Variants in ADAMTSL1 observed in about 807,000 individuals in gnomAD.
The protein encoded by ADAMTSL1 is ADAMTS like 1, also known as ADAMTS-like protein 1.
ADAMTSL1 carries 126 observed loss-of-function variants against 201.8 expected under a neutral mutation model. The ratio of observed to expected loss-of-function variants is 0.62; its 90% CI spans 0.54 to 0.72. ADAMTSL1 has a LOEUF of 0.72. Among genes scored for constraint, ADAMTSL1 ranks in the 30% least tolerant of loss-of-function variants. The pLI is 0.00. For synonymous variants in ADAMTSL1, 1,121 were observed against 903.4 expected (o/e 1.24, Z -4.32); for missense variants, 2,679 against 2,277.8 (o/e 1.18, Z -3.59).
chr9:18,632,997 T>C (rs1433440893), intron 5 of ADAMTSL1, among the ~76,000 whole-genome samples: 1 of 152,210 alleles, frequency 6.6e-6, no homozygotes, highest in Non-Finnish European at 1.5e-5. Flanking sequence ...CTGTCTTCTT[T>C]AGGGAACATA....
intron 2 of ADAMTSL1, among the ~76,000 whole-genome samples, chr9:18,211,684 T>G (rs1349126812): frequency 6.6e-6 from 1 of 152,192 alleles, no homozygotes; most frequent in African/African-American, 2.4e-5. Flanking sequence ...CCTTCTTTTA[T>G]TTTAGAAGAG....
chr9:18,616,128 C>G (rs1825686811), intron 4 of ADAMTSL1, among the ~76,000 whole-genome samples: 1 of 152,128 alleles, frequency 6.6e-6, no homozygotes, highest in African/African-American at 2.4e-5. Flanking sequence ...CAGGCTCAAA[C>G]AATTCTCATT....
intron 2 of ADAMTSL1, among the ~76,000 whole-genome samples, chr9:18,207,095 G>A (rs1829681448): frequency 6.6e-6 from 1 of 152,082 alleles, no homozygotes; most frequent in Admixed American, 6.6e-5. Context: ...AACCTGGGAG[G>A]CAGAGATTGC....
chr9:18,639,453 A>G (rs1377693913), intron 7 of ADAMTSL1, 42 bp downstream of exon 7: 2 of 1,590,102 alleles, frequency 1.3e-6, no homozygotes, highest in East Asian at 2.2e-5. Flanking sequence ...CCACATCCCA[A>G]ATGATGTTAC....
intron 2 of ADAMTSL1, among the ~76,000 whole-genome samples, chr9:18,450,547 A>C (rs1394740287): frequency 6.6e-6 from 1 of 151,866 alleles, no homozygotes; most frequent in Non-Finnish European, 1.5e-5. Flanking sequence ...TTTTAATTCT[A>C]GGAACCCAGA....
chr9:18,375,679 G>A (rs1166385143), intron 2 of ADAMTSL1, among the ~76,000 whole-genome samples: 1 of 152,204 alleles, frequency 6.6e-6, no homozygotes, highest in Non-Finnish European at 1.5e-5. Flanking sequence ...TGGACCCAAA[G>A]AGTGAGCAGC....
intron 23 of ADAMTSL1, among the ~76,000 whole-genome samples, chr9:18,875,094 G>A (rs970488932): frequency 1.3e-5 from 2 of 152,026 alleles, no homozygotes; most frequent in Admixed American, 1.3e-4. Flanking sequence ...TTGTATTTCT[G>A]TGGTATCATT....
chr9:18,651,833 T>C (rs1828283467), intron 7 of ADAMTSL1, among the ~76,000 whole-genome samples: 1 of 152,088 alleles, frequency 6.6e-6, no homozygotes, highest in South Asian at 2.1e-4. Flanking sequence ...TTGCTTTTAT[T>C]ATAAGAGGTA....
chr9:18,596,795 C>T (rs1245516691), intron 4 of ADAMTSL1, among the ~76,000 whole-genome samples: 1 of 152,106 alleles, frequency 6.6e-6, no homozygotes. Context: ...ACTATGAGTA[C>T]AGGATGCAAT....
chr9:18,066,856 A>C, intron 1 of ADAMTSL1, among the ~76,000 whole-genome samples: 1 of 152,220 alleles, frequency 6.6e-6, no homozygotes, highest in Non-Finnish European at 1.5e-5. Flanking sequence ...ATGAAAGTGG[A>C]AATCATCATT....
intron 2 of ADAMTSL1, among the ~76,000 whole-genome samples, chr9:18,446,508 C>A (rs1820197726): frequency 6.6e-6 from 1 of 152,168 alleles, no homozygotes; most frequent in Non-Finnish European, 1.5e-5. Context: ...AAATGTCAAC[C>A]AGCAAGGATG....
chr9:17,957,944 C>T (rs1203417970), intron 1 of ADAMTSL1, among the ~76,000 whole-genome samples: 1 of 152,176 alleles, frequency 6.6e-6, no homozygotes, highest in Non-Finnish European at 1.5e-5. Flanking sequence ...ATCTAGCCTC[C>T]ATGACTGGGA....
At chr9:18,265,645 T>G (rs1832092547) in intron 2 of ADAMTSL1, among the ~76,000 whole-genome samples, 1 of 152,244 alleles carries the variant, frequency 6.6e-6, no homozygotes, top group Non-Finnish European at 1.5e-5. Flanking sequence ...GATTTCTTTT[T>G]GCTATTTATT....
At chr9:18,784,682 A>T (rs1247556595) in intron 19 of ADAMTSL1, among the ~76,000 whole-genome samples, 1 of 152,168 alleles carries the variant, frequency 6.6e-6, no homozygotes, top group African/African-American at 2.4e-5. Flanking sequence ...GTCTCCCACC[A>T]CATCCAGGCC....
At chr9:18,200,456 T>TA (rs1829394195) in intron 2 of ADAMTSL1, among the ~76,000 whole-genome samples, 1 of 152,142 alleles carries the variant, frequency 6.6e-6, no homozygotes, top group Admixed American at 6.6e-5. Flanking sequence ...ACATGGTGTT[T>TA]AAAAACTTCA....
intron 2 of ADAMTSL1, among the ~76,000 whole-genome samples, chr9:18,185,080 C>G (rs1220491501): frequency 6.6e-6 from 1 of 152,104 alleles, no homozygotes; most frequent in Non-Finnish European, 1.5e-5. Flanking sequence ...ATCTCTATGG[C>G]TCAAAGATTT....
At chr9:18,435,423 A>G (rs1236087354) in intron 2 of ADAMTSL1, among the ~76,000 whole-genome samples, 1 of 152,230 alleles carries the variant, frequency 6.6e-6, no homozygotes, top group Non-Finnish European at 1.5e-5. Context: ...TGGGGAAACC[A>G]GAATTGTTCA....
At chr9:18,706,662 C>A in intron 13 of ADAMTSL1, 85 bp from the exon 14 acceptor site, 1 of 1,374,982 alleles carries the variant, frequency 7.3e-7, no homozygotes, top group Non-Finnish European at 9.8e-7. Context: ...GCACTGGAGG[C>A]AGGTGGGATG....
At chr9:18,613,098 G>C (rs185108123) in intron 4 of ADAMTSL1, among the ~76,000 whole-genome samples, 60 of 152,152 alleles carry the variant, frequency 3.9e-4, no homozygotes, top group Admixed American at 8.5e-4. Flanking sequence ...TGACCAAAGA[G>C]CATATGGAAA....
Sources: gnomAD v4.1 joint callset for allele counts (sites outside exome capture counted in the v4.1 genomes callset) on GRCh38, gnomAD v4.1.1 for gene constraint, MANE v1.5 for transcripts, NCBI Gene and HGNC (gene_info 2026-07-23, HGNC 2026-07-21) for gene names.